Variants in RIGI observed in about 807,000 individuals in gnomAD.
RIGI encodes the protein antiviral innate immune response receptor RIG-I.
At chr9:32,481,251 G>A in the RIGI span, 1 of 1,336,642 alleles carries the variant, frequency 7.5e-7, no homozygotes, top group Non-Finnish European at 1.0e-6. Context: ...TTGAGGACAG[G>A]ATGAGAAGTT....
the RIGI span, among the ~76,000 whole-genome samples, chr9:32,502,362 G>C: frequency 6.6e-6 from 1 of 152,172 alleles, no homozygotes; most frequent in Non-Finnish European, 1.5e-5. Flanking sequence ...TTTCTCTTGA[G>C]TACACACATA....
chr9:32,513,854 T>G, the RIGI span, among the ~76,000 whole-genome samples: 1 of 152,146 alleles, frequency 6.6e-6, no homozygotes, highest in Admixed American at 6.5e-5. Flanking sequence ...ATATCCAGAA[T>G]CTACAAGGAA....
chr9:32,483,732 A>G, the RIGI span, among the ~76,000 whole-genome samples: 87,760 of 150,868 alleles, frequency 0.58, 25,677 homozygotes, highest in African/African-American at 0.66. Flanking sequence ...CAGCTCACAC[A>G]CTCCTCCCCA....
the RIGI span, chr9:32,526,061 C>T: frequency 6.2e-7 from 1 of 1,611,512 alleles, no homozygotes; most frequent in Non-Finnish European, 8.5e-7. Flanking sequence ...AGACACTCAC[C>T]CTCCCTAAAC....
chr9:32,481,317 G>T, the RIGI span: 3 of 1,606,148 alleles, frequency 1.9e-6, no homozygotes. Flanking sequence ...ACCAGAATAC[G>T]ACTCTTAAAA....
the RIGI span, chr9:32,488,725 T>C: frequency 6.3e-7 from 1 of 1,596,306 alleles, no homozygotes; most frequent in Non-Finnish European, 8.5e-7. Context: ...AAGCAACTAT[T>C]ATACCTACCC....
the RIGI span, chr9:32,485,224 C>A: frequency 6.2e-7 from 1 of 1,609,466 alleles, no homozygotes. Context: ...CCCTCATCAG[C>A]TGAGCTATGA....
chr9:32,525,937 G>C, the RIGI span: 2 of 794,410 alleles, frequency 2.5e-6, no homozygotes, highest in Admixed American at 2.0e-5. Flanking sequence ...ATGCTGCGGA[G>C]ATCTTACCAC....
At chr9:32,505,600 G>A in the RIGI span, among the ~76,000 whole-genome samples, 26 of 152,026 alleles carry the variant, frequency 1.7e-4, no homozygotes, top group African/African-American at 5.8e-4. Flanking sequence ...TCAATCACAC[G>A]TAATATCCTC....
chr9:32,491,372 G>A, the RIGI span: 1 of 1,613,114 alleles, frequency 6.2e-7, no homozygotes. Context: ...CTGTATGTCA[G>A]AAGTTTCCAT....
the RIGI span, among the ~76,000 whole-genome samples, chr9:32,484,155 G>A: frequency 4.6e-5 from 7 of 152,268 alleles, no homozygotes; most frequent in East Asian, 1.2e-3. Flanking sequence ...GGCTCAGACT[G>A]CAGGTTAGAG....
chr9:32,457,500 A>T, the RIGI span: 4 of 1,154,092 alleles, frequency 3.5e-6, no homozygotes, highest in Non-Finnish European at 4.7e-6. Context: ...AAAAAAAAGA[A>T]AACCCCACAA....
chr9:32,493,893 A>G, the RIGI span: 1 of 1,608,962 alleles, frequency 6.2e-7, no homozygotes, highest in South Asian at 1.1e-5. Flanking sequence ...CCAACTTTTC[A>G]ATTTTTTTGA....
chr9:32,457,578 A>G, the RIGI span, among the ~76,000 whole-genome samples: 3 of 151,950 alleles, frequency 2.0e-5, no homozygotes, highest in Non-Finnish European at 4.4e-5. Context: ...AAATAGATTC[A>G]CCCAAAGTCC....
At chr9:32,524,929 A>G in the RIGI span, among the ~76,000 whole-genome samples, 1 of 136,950 alleles carries the variant, frequency 7.3e-6, no homozygotes, top group Non-Finnish European at 1.6e-5. Context: ...TGGAGGCTAT[A>G]TGATCAAACA....
the RIGI span, among the ~76,000 whole-genome samples, chr9:32,524,830 T>A: frequency 6.6e-6 from 1 of 152,038 alleles, no homozygotes; most frequent in Non-Finnish European, 1.5e-5. Context: ...CTCGAACTCC[T>A]GACCTTGTGA....
chr9:32,496,236 T>G, the RIGI span, among the ~76,000 whole-genome samples: 1 of 152,234 alleles, frequency 6.6e-6, no homozygotes, highest in African/African-American at 2.4e-5. Context: ...ATATTTGCTC[T>G]TTAATGCATT....
chr9:32,478,301 TC>T, the RIGI span, among the ~76,000 whole-genome samples: 1 of 152,202 alleles, frequency 6.6e-6, no homozygotes, highest in Non-Finnish European at 1.5e-5. Flanking sequence ...CATCTCAGCC[TC>T]CCAAAGTGCT....
At chr9:32,465,448 A>T in the RIGI span, among the ~76,000 whole-genome samples, 55,228 of 152,092 alleles carry the variant, frequency 0.36, 10,463 homozygotes, top group South Asian at 0.47. Flanking sequence ...ATGAAGTTAA[A>T]CTATGTCTCA....
Sources: allele counts gnomAD v4.1 joint callset (sites outside exome capture counted in the v4.1 genomes callset), GRCh38; gene constraint gnomAD v4.1.1; transcripts MANE v1.5; gene names NCBI Gene and HGNC (gene_info 2026-07-23, HGNC 2026-07-21).